HIVEP1: variants seen among roughly 807,000 people sequenced by gnomAD.
The protein encoded by HIVEP1 is HIVEP zinc finger 1.
A neutral mutation model predicts 180.0 loss-of-function variants in HIVEP1; 36 were observed. The observed-to-expected ratio is 0.20, with a 90% CI of 0.15 to 0.26. The LOEUF (loss-of-function observed/expected upper bound fraction) is 0.26. HIVEP1 is among the 10% of genes least tolerant of loss of function. The pLI, the probability that HIVEP1 is intolerant of heterozygous loss-of-function variation, is 1.00. For missense variants in HIVEP1, 3,143 were observed against 3,268.7 expected (o/e 0.96, Z 0.94); for synonymous variants, 1,239 against 1,239.0 (o/e 1.00, Z 0.00).
chr6:12,092,228 G>T (rs545557796), intron 3 of HIVEP1, among the ~76,000 whole-genome samples: 6 of 152,112 alleles, frequency 3.9e-5, no homozygotes, highest in East Asian at 1.9e-4. Context: ...CATCATTTCA[G>T]TCCTTTTAAA....
intron 7 of HIVEP1, 145 bp downstream of exon 7, chr6:12,136,037 T>G (rs1035439667): frequency 5.8e-6 from 3 of 515,910 alleles, no homozygotes; most frequent in African/African-American, 3.9e-5. Flanking sequence ...AATTAGTTTT[T>G]CCATGTCTAG....
intron 2 of HIVEP1, among the ~76,000 whole-genome samples, chr6:12,024,788 G>A (rs1041156): frequency 1.0e-3 from 155 of 152,294 alleles, no homozygotes; most frequent in Non-Finnish European, 1.6e-3. Flanking sequence ...GTTAAGCCAC[G>A]CCAGGAGTGA....
At chr6:12,089,672 C>T (rs6939913) in intron 3 of HIVEP1, among the ~76,000 whole-genome samples, 91,469 of 151,544 alleles carry the variant, frequency 0.6, 28,122 homozygotes, top group East Asian at 0.78. Context: ...AGTGGAAGAA[C>T]AGTTGAATCA....
At chr6:12,150,699 G>A (rs1363063077) in intron 7 of HIVEP1, among the ~76,000 whole-genome samples, 1 of 151,976 alleles carries the variant, frequency 6.6e-6, no homozygotes, top group Non-Finnish European at 1.5e-5. Context: ...TGAATGACAC[G>A]CACGTGACAC....
rs78141777 is a variant in HIVEP1 at position 12,066,534 on chromosome 6, T to A, written c.41-22650T>A. Among the ~76,000 whole-genome samples the A allele has an allele frequency of 2.0e-4, 30 of 152,340 alleles. No homozygotes were observed. In the East Asian group the frequency reaches 4.6e-3, roughly 24 times the overall value. ...ATGAAGTTACAAGCTTAATTACTGTTATTTTTGGCCAGAGTCCTTGGAAGT... is the reference window on the plus strand; with the variant it reads ...ATGAAGTTACAAGCTTAATTACTGTAATTTTTGGCCAGAGTCCTTGGAAGT... On this transcript the variant is annotated intron_variant, in intron 2 of 8. Coordinates refer to ENST00000379388, the MANE Select transcript of HIVEP1 (RefSeq NM_002114.4).
intron 2 of HIVEP1, among the ~76,000 whole-genome samples, chr6:12,032,442 A>G (rs537719600): frequency 5.7e-4 from 87 of 152,232 alleles, no homozygotes; most frequent in South Asian, 1.0e-3. Context: ...GCGCCCGGCC[A>G]TGATAACTTT....
downstream of HIVEP1, among the ~76,000 whole-genome samples, chr6:12,167,719 T>TATAC (rs200724247): frequency 2.5e-5 from 3 of 120,642 alleles, no homozygotes; most frequent in East Asian, 3.4e-4. Flanking sequence ...ATGCATAATA[T>TATAC]ATATACATAT....
At chr6:12,133,648 G>C (rs1482071368) in intron 6 of HIVEP1, among the ~76,000 whole-genome samples, 1 of 152,118 alleles carries the variant, frequency 6.6e-6, no homozygotes, top group African/African-American at 2.4e-5. Flanking sequence ...TTCTTAAAAA[G>C]TAAATAACCT....
At chr6:12,058,278 G>A (rs910597611) in intron 2 of HIVEP1, among the ~76,000 whole-genome samples, 2 of 152,166 alleles carry the variant, frequency 1.3e-5, no homozygotes, top group Non-Finnish European at 2.9e-5. Context: ...AGTGCTTAGT[G>A]GTAATTCTGC....
Position 12,120,078 on chromosome 6 carries a change from A to G in HIVEP1, c.283A>G (p.Lys95Glu). The change falls in exon 4 of 9, where the codon AAG (lysine) becomes GAG (glutamate). Residue 95 changes from lysine to glutamate, a missense_variant. Physicochemically the swap from Lys to Glu is moderately conservative, Grantham distance 56. Coordinates refer to ENST00000379388, the MANE Select transcript of HIVEP1 (RefSeq NM_002114.4). ...TCTTCATAGTGCTTCGGAGTCTCACAAGAAACAGAATTATATTCCTGTAAA... is the reference window on the plus strand; with the variant it reads ...TCTTCATAGTGCTTCGGAGTCTCACGAGAAACAGAATTATATTCCTGTAAA... Reference protein sequence around the residue: ...AVLHSASESHKKQNYIPVKNG... With the variant: ...AVLHSASESHEKQNYIPVKNG... The G allele has an allele frequency of 6.2e-7, 1 of 1,613,054 alleles. No homozygotes were observed. Among genetic ancestry groups the G allele is most frequent in the Non-Finnish European group, 8.5e-7 (1 of 1,179,716 alleles).
At chr6:12,159,689 C>A (rs1760283088) in intron 7 of HIVEP1, among the ~76,000 whole-genome samples, 1 of 152,184 alleles carries the variant, frequency 6.6e-6, no homozygotes, top group African/African-American at 2.4e-5. Context: ...AGCATAGGCC[C>A]CTAGAGCCAG....
At chr6:12,091,459 T>A (rs889595358) in intron 3 of HIVEP1, among the ~76,000 whole-genome samples, 4 of 152,154 alleles carry the variant, frequency 2.6e-5, no homozygotes, top group Non-Finnish European at 5.9e-5. Flanking sequence ...TTTTTTGTAA[T>A]TATTAGGACA....
chr6:12,099,254 T>C (rs1369485788), intron 3 of HIVEP1, among the ~76,000 whole-genome samples: 1 of 150,048 alleles, frequency 6.7e-6, no homozygotes, highest in Non-Finnish European at 1.5e-5. Context: ...GGATCTCGGC[T>C]CACTGCGGGT....
chr6:12,043,786 C>T (rs1417144736), intron 2 of HIVEP1, among the ~76,000 whole-genome samples: 2 of 152,138 alleles, frequency 1.3e-5, no homozygotes, highest in Non-Finnish European at 2.9e-5. Context: ...ATCAGCGTCC[C>T]CTTGCTGTGT....
intron 2 of HIVEP1, among the ~76,000 whole-genome samples, chr6:12,042,130 A>T (rs1355382832): frequency 7.4e-6 from 1 of 135,910 alleles, no homozygotes; most frequent in Non-Finnish European, 1.5e-5. Flanking sequence ...GGGACTGCGG[A>T]CTGCAGTGGC....
At chr6:12,143,111 A>T (rs1759150650) in intron 7 of HIVEP1, among the ~76,000 whole-genome samples, 1 of 152,254 alleles carries the variant, frequency 6.6e-6, no homozygotes, top group Non-Finnish European at 1.5e-5. Context: ...AATATCCCTG[A>T]TGAACATCGA....
chr6:12,187,001 T>C, the HIVEP1 span, among the ~76,000 whole-genome samples: 1 of 152,048 alleles, frequency 6.6e-6, no homozygotes, highest in African/African-American at 2.4e-5. Context: ...CTGGATGGGC[T>C]GAATAGCAGA....
intron 7 of HIVEP1, among the ~76,000 whole-genome samples, chr6:12,157,524 G>A (rs977567647): frequency 6.6e-5 from 10 of 151,982 alleles, no homozygotes; most frequent in African/African-American, 9.7e-5. Flanking sequence ...GCTTTACATG[G>A]AGCCTATAGA....
chr6:12,047,498 G>A (rs916106903), intron 2 of HIVEP1, among the ~76,000 whole-genome samples: 8 of 152,244 alleles, frequency 5.3e-5, no homozygotes, highest in African/African-American at 1.2e-4. Context: ...GGTCCCCACG[G>A]TGCTGGGAGG....
Sources: gnomAD v4.1 joint callset for allele counts (sites outside exome capture counted in the v4.1 genomes callset) on GRCh38, gnomAD v4.1.1 for gene constraint, MANE v1.5 for transcripts, NCBI Gene and HGNC (gene_info 2026-07-23, HGNC 2026-07-21) for gene names.